SOX5: variants seen among roughly 807,000 people sequenced by gnomAD.
SOX5 encodes the protein transcription factor SOX-5.
In SOX5, 9 loss-of-function variants were observed where a neutral mutation model predicts 92.0. The ratio of observed to expected loss-of-function variants is 0.10; its 90% CI spans 0.06 to 0.17. The LOEUF is 0.17. Among genes scored for constraint, SOX5 ranks in the 10% least tolerant of loss-of-function variants. The probability of loss-of-function intolerance (pLI) is 1.00; values close to 1 mark genes in which losing one functional copy is unlikely to be tolerated. For missense variants in SOX5, 642 were observed against 944.5 expected (o/e 0.68, Z 4.20); for synonymous variants, 344 against 336.3 (o/e 1.02, Z -0.25).
chr12:24,111,588 C>T (rs75425259), intron 4 of SOX5, among the ~76,000 whole-genome samples: 5,672 of 152,116 alleles, frequency 0.037, 137 homozygotes, highest in Admixed American at 0.059. Context: ...GTCAGAAATT[C>T]CAGTAATTCA....
At chr12:24,043,036 TA>T (rs1170245430) in intron 4 of SOX5, among the ~76,000 whole-genome samples, 2 of 152,170 alleles carry the variant, frequency 1.3e-5, no homozygotes, top group Non-Finnish European at 2.9e-5. Flanking sequence ...TTGGGGCATA[TA>T]AAAATAATTG....
intron 1 of SOX5, chr12:24,460,590 A>G (rs1276788716): frequency 6.6e-6 from 1 of 152,184 alleles, no homozygotes; most frequent in Non-Finnish European, 1.5e-5. Context: ...TTTTACTTGG[A>G]CTTACTCAGT....
At chr12:23,732,666 C>G (rs908226754) in intron 6 of SOX5, among the ~76,000 whole-genome samples, 3 of 152,074 alleles carry the variant, frequency 2.0e-5, no homozygotes, top group Admixed American at 2.0e-4. Flanking sequence ...GGGACTTTTT[C>G]TTTTCCCACT....
At chr12:23,622,714 T>G (rs1169797871) in intron 8 of SOX5, among the ~76,000 whole-genome samples, 5 of 152,146 alleles carry the variant, frequency 3.3e-5, no homozygotes, top group African/African-American at 1.2e-4. Context: ...TAATAAAAGA[T>G]TCACAAAATC....
intron 1 of SOX5, among the ~76,000 whole-genome samples, chr12:24,466,631 A>G (rs149036019): frequency 5.3e-4 from 81 of 152,320 alleles, no homozygotes; most frequent in African/African-American, 1.9e-3. Flanking sequence ...GATGTTTCCC[A>G]AACCAAACAT....
At chr12:23,757,630 C>T (rs1206517215) in intron 3 of SOX5, among the ~76,000 whole-genome samples, 5 of 151,982 alleles carry the variant, frequency 3.3e-5, no homozygotes, top group South Asian at 2.1e-4. Flanking sequence ...ACAGCCAATA[C>T]GGTATTTGCA....
intron 3 of SOX5, among the ~76,000 whole-genome samples, chr12:24,242,890 GT>G (rs1478459429): frequency 6.6e-6 from 1 of 152,104 alleles, no homozygotes; most frequent in Admixed American, 6.6e-5. Flanking sequence ...ACACTTAAGT[GT>G]ATATGTACAA....
In SOX5 at chr12:23,919,935, T is replaced by G. The variant is rs1266672624; in HGVS notation, c.39-23911A>C. The G allele has an allele frequency of 2.0e-5, 3 of 152,158 alleles. No homozygotes were observed. The South Asian group carries it at 6.2e-4, about 32-fold the overall frequency. The allele number at this position is 152,158 out of a possible 1,614,324, so 9.4% of individuals were successfully genotyped here. ...AATACAGAGTCCAAAATGGAGAGAC[T>G]TTTGGATAATTTGGATGGTTTTTTA... On this transcript the variant is annotated intron_variant, in intron 1 of 14. Coordinates refer to ENST00000451604, the MANE Select transcript of SOX5 (RefSeq NM_006940.6).
Position 24,244,976 on chromosome 12 carries a change from C to T in SOX5, c.-76-31559G>A, listed in dbSNP as rs371680481. On this transcript the variant is annotated intron_variant, in intron 3 of 4. Coordinates refer to the SOX5 transcript ENST00000446891. ...CTGGGATTACAGGCGTGAGTCACTG[C>T]ACCTGGCCAGTACTACCACTTTTAT... Among the ~76,000 whole-genome samples the T allele has an allele frequency of 5.3e-5, 8 of 152,270 alleles. No individual in the cohort carries two copies. In the East Asian group the frequency reaches 1.4e-3, roughly 26 times the overall value.
At chr12:23,654,385 T>C (rs2082058001) in intron 7 of SOX5, among the ~76,000 whole-genome samples, 1 of 152,130 alleles carries the variant, frequency 6.6e-6, no homozygotes, top group Non-Finnish European at 1.5e-5. Flanking sequence ...AAATGATTTC[T>C]GTTCATCAAC....
chr12:23,842,374 G>A (rs548877637), intron 3 of SOX5, among the ~76,000 whole-genome samples: 1 of 152,068 alleles, frequency 6.6e-6, no homozygotes, highest in African/African-American at 2.4e-5. Context: ...ACATTAGTAA[G>A]AACTCATGTT....
At chr12:24,174,608 G>C (rs1161603684) in intron 4 of SOX5, among the ~76,000 whole-genome samples, 4 of 152,136 alleles carry the variant, frequency 2.6e-5, no homozygotes, top group African/African-American at 9.7e-5. Context: ...GATCACCTGA[G>C]GTCAGGAGTT....
chr12:24,333,934 A>T (rs919576948), intron 2 of SOX5, among the ~76,000 whole-genome samples: 53 of 151,770 alleles, frequency 3.5e-4, no homozygotes, highest in Admixed American at 3.5e-3. Flanking sequence ...TAATGATGGT[A>T]CTGGTGCAAG....
At chr12:24,111,861 T>G (rs1440163782) in intron 4 of SOX5, among the ~76,000 whole-genome samples, 1 of 152,102 alleles carries the variant, frequency 6.6e-6, no homozygotes, top group Non-Finnish European at 1.5e-5. Context: ...TTTAATTATT[T>G]TAGGTTAATT....
intron 7 of SOX5, among the ~76,000 whole-genome samples, chr12:23,644,839 T>C (rs796616209): frequency 1.2e-4 from 19 of 152,362 alleles, no homozygotes; most frequent in African/African-American, 4.6e-4. Context: ...TATTATAGTA[T>C]GACTATTAGA....
At chr12:24,208,061 A>G (rs1218233721) in intron 4 of SOX5, among the ~76,000 whole-genome samples, 1 of 152,156 alleles carries the variant, frequency 6.6e-6, no homozygotes, top group Non-Finnish European at 1.5e-5. Flanking sequence ...CAAAGTTGAA[A>G]TTGATCCCTT....
At chr12:23,556,664 T>G (rs953358564) in intron 11 of SOX5, among the ~76,000 whole-genome samples, 2 of 152,346 alleles carry the variant, frequency 1.3e-5, no homozygotes, top group Admixed American at 1.3e-4. Flanking sequence ...TAATTTGACT[T>G]TTATAATTCA....
At chr12:23,960,528 TAC>T (rs1240628278) in intron 4 of SOX5, among the ~76,000 whole-genome samples, 122 of 65,212 alleles carry the variant, frequency 1.9e-3, no homozygotes, top group African/African-American at 5.2e-3. Context: ...TATATATATA[TAC>T]ATATATATAT....
intron 4 of SOX5, among the ~76,000 whole-genome samples, chr12:24,037,863 T>A (rs1237455911): frequency 6.6e-6 from 1 of 151,988 alleles, no homozygotes; most frequent in East Asian, 1.9e-4. Context: ...CATGCTGGAG[T>A]CCTAATGGTA....
Sources: allele counts gnomAD v4.1 joint callset (sites outside exome capture counted in the v4.1 genomes callset), GRCh38; gene constraint gnomAD v4.1.1; transcripts MANE v1.5; gene names NCBI Gene and HGNC (gene_info 2026-07-23, HGNC 2026-07-21).